The following CSMD1 variants were observed in gnomAD, a reference collection of about 807,000 sequenced individuals.
CSMD1 encodes the protein CUB and sushi domain-containing protein 1.
A neutral mutation model predicts 417.5 loss-of-function variants in CSMD1; 213 were observed. The observed-to-expected ratio is 0.51, with a 90% CI of 0.46 to 0.57. The LOEUF is 0.57. Among genes scored for constraint, CSMD1 ranks in the 20% least tolerant of loss-of-function variants. The pLI is 0.00. For missense variants in CSMD1, 6,923 were observed against 4,529.7 expected (o/e 1.53, Z -15.17); for synonymous variants, 2,862 against 1,736.8 (o/e 1.65, Z -16.11).
chr8:3,964,032 A>G (rs1328220275), intron 5 of CSMD1, among the ~76,000 whole-genome samples: 1 of 152,260 alleles, frequency 6.6e-6, no homozygotes, highest in Admixed American at 6.5e-5. Flanking sequence ...CATGCTTTGC[A>G]TAAATTACTT....
At chr8:3,517,725 C>G (rs181880501) in intron 10 of CSMD1, among the ~76,000 whole-genome samples, 1 of 152,248 alleles carries the variant, frequency 6.6e-6, no homozygotes. Flanking sequence ...GATAGTATAA[C>G]TCATAGGGCT....
At chr8:3,489,554 C>A (rs995065603) in intron 11 of CSMD1, among the ~76,000 whole-genome samples, 2 of 152,294 alleles carry the variant, frequency 1.3e-5, no homozygotes, top group Non-Finnish European at 2.9e-5. Context: ...AAGAACTCAA[C>A]AGACATTTGC....
At chr8:3,750,648 C>G (rs576964872) in intron 6 of CSMD1, among the ~76,000 whole-genome samples, 1 of 152,080 alleles carries the variant, frequency 6.6e-6, no homozygotes, top group African/African-American at 2.4e-5. Flanking sequence ...TTCAGCTGAA[C>G]AAATGTTTTC....
chr8:4,496,304 G>A (rs1041067059), intron 2 of CSMD1, among the ~76,000 whole-genome samples: 4 of 152,282 alleles, frequency 2.6e-5, no homozygotes, highest in African/African-American at 7.2e-5. Flanking sequence ...GTGAACAATG[G>A]TTCAGGATCA....
intron 68 of CSMD1, 136 bp downstream of exon 68, chr8:2,949,163 G>C (rs904737526): frequency 1.1e-5 from 6 of 571,234 alleles, no homozygotes; most frequent in Non-Finnish European, 1.8e-5. Context: ...TTTTCATTCA[G>C]CTGTAAAATA....
intron 30 of CSMD1, among the ~76,000 whole-genome samples, chr8:3,208,649 G>C (rs1202570701): frequency 6.6e-6 from 1 of 152,186 alleles, no homozygotes; most frequent in African/African-American, 2.4e-5. Flanking sequence ...GTCTGTGAGG[G>C]TGTTGCCCAA....
chr8:4,384,479 T>C (rs973348415), intron 3 of CSMD1, among the ~76,000 whole-genome samples: 1 of 152,212 alleles, frequency 6.6e-6, no homozygotes, highest in Non-Finnish European at 1.5e-5. Flanking sequence ...CTATCTACTA[T>C]CTATGAATTT....
intron 7 of CSMD1, among the ~76,000 whole-genome samples, chr8:3,638,365 G>A (rs986245357): frequency 3.3e-4 from 50 of 152,196 alleles, no homozygotes; most frequent in African/African-American, 1.2e-3. Flanking sequence ...TGTCCCAAGA[G>A]GCTGTAGCCA....
At chr8:4,967,284 T>C (rs542997526) in intron 1 of CSMD1, among the ~76,000 whole-genome samples, 1 of 152,338 alleles carries the variant, frequency 6.6e-6, no homozygotes, top group Non-Finnish European at 1.5e-5. Context: ...CTCTTGTCTG[T>C]AGCCATTTCA....
intron 1 of CSMD1, among the ~76,000 whole-genome samples, chr8:4,709,969 T>G (rs1312907928): frequency 6.6e-6 from 1 of 152,182 alleles, no homozygotes; most frequent in African/African-American, 2.4e-5. Context: ...ATCAGGTCGA[T>G]TTAGAAATTT....
At chr8:3,095,104 C>G (rs1815205309) in intron 47 of CSMD1, among the ~76,000 whole-genome samples, 1 of 152,022 alleles carries the variant, frequency 6.6e-6, no homozygotes, top group Non-Finnish European at 1.5e-5. Context: ...ATAATTTGCT[C>G]CTGAAAGTAA....
chr8:3,648,674 A>G (rs530768648), intron 7 of CSMD1, among the ~76,000 whole-genome samples: 4 of 152,224 alleles, frequency 2.6e-5, no homozygotes, highest in Non-Finnish European at 4.4e-5. Context: ...ACATACGGCT[A>G]TACCAAATCC....
intron 3 of CSMD1, among the ~76,000 whole-genome samples, chr8:4,151,379 G>C (rs575733627): frequency 4.6e-5 from 7 of 152,268 alleles, no homozygotes; most frequent in African/African-American, 1.2e-4. Flanking sequence ...TCAGTTTCTA[G>C]ATCCTGCTGA....
intron 8 of CSMD1, 67 bp downstream of exon 8, chr8:3,616,643 C>G (rs1306115917): frequency 9.7e-7 from 1 of 1,026,316 alleles, no homozygotes; most frequent in Non-Finnish European, 1.5e-6. Flanking sequence ...TTAAATTTAA[C>G]TGCAAGCTGA....
intron 3 of CSMD1, among the ~76,000 whole-genome samples, chr8:4,043,212 C>A (rs926597734): frequency 2.1e-4 from 32 of 152,192 alleles, no homozygotes; most frequent in Middle Eastern, 3.4e-3. Flanking sequence ...AGTCTAAAGT[C>A]ACCACTAAAA....
chr8:3,989,645 T>G (rs932512539), intron 5 of CSMD1, among the ~76,000 whole-genome samples: 1 of 152,222 alleles, frequency 6.6e-6, no homozygotes, highest in Non-Finnish European at 1.5e-5. Flanking sequence ...ATTAAAGTCT[T>G]TATGATGTAT....
chr8:2,935,876 A>ATG lies in CSMD1; in HGVS notation c.*2707_*2708dup, dbSNP rs1057125355. The ATG allele has an allele frequency of 3.9e-4, 60 of 152,324 alleles. No individual in the cohort carries two copies. The highest frequency in any genetic ancestry group is 1.3e-3 in the African/African-American group (56 of 41,566). 9.4% of individuals were successfully genotyped at this position (152,324 alleles called of 1,614,324 possible). ...TGCAGCTAGCCTGAAAAAAGGCAAG[A>ATG]TGTGTGTGTAAAACAAGCAGCAGTT... On this transcript the variant is annotated 3_prime_UTR_variant, in exon 70 of 70. Coordinates refer to ENST00000635120, the MANE Select transcript of CSMD1 (RefSeq NM_033225.6).
At chr8:4,307,958 G>T (rs897377086) in intron 3 of CSMD1, among the ~76,000 whole-genome samples, 7 of 152,156 alleles carry the variant, frequency 4.6e-5, no homozygotes, top group Non-Finnish European at 1.0e-4. Flanking sequence ...ACAGAGGAGA[G>T]ACACACCTGA....
chr8:3,590,156 G>C (rs1800785375), intron 8 of CSMD1, among the ~76,000 whole-genome samples: 1 of 152,242 alleles, frequency 6.6e-6, no homozygotes, highest in Admixed American at 6.5e-5. Context: ...AAAATTGTAT[G>C]TACTGAAAAT....
Sources: gnomAD v4.1 joint callset for allele counts (sites outside exome capture counted in the v4.1 genomes callset) on GRCh38, gnomAD v4.1.1 for gene constraint, MANE v1.5 for transcripts, NCBI Gene and HGNC (gene_info 2026-07-23, HGNC 2026-07-21) for gene names.